Variants in CACNG3 observed in about 807,000 individuals in gnomAD.
CACNG3 encodes voltage-dependent calcium channel gamma-3 subunit.
A neutral mutation model predicts 28.5 loss-of-function variants in CACNG3; 3 were observed. The observed-to-expected ratio is 0.11, with a 90% CI of 0.05 to 0.27. CACNG3 has a LOEUF of 0.27. Ranked by LOEUF, CACNG3 falls within the 10% of genes least tolerant of loss-of-function variation. The pLI, the probability that CACNG3 is intolerant of heterozygous loss-of-function variation, is 1.00. For synonymous variants in CACNG3, 174 were observed against 162.2 expected, an observed-to-expected ratio of 1.07 and a Z score of -0.55; for missense variants, 236 against 414.4, an observed-to-expected ratio of 0.57 and a Z score of 3.74.
Position 24,346,716 on chromosome 16 carries a change from C to T in CACNG3, c.212-18C>T. The T allele has an allele frequency of 6.2e-7, 1 of 1,602,372 alleles. No individual in the cohort carries two copies. The highest frequency in any genetic ancestry group is 8.6e-7 in the Non-Finnish European group (1 of 1,169,274). On this transcript the variant is annotated intron_variant, in intron 1 of 3. Coordinates refer to ENST00000005284, the MANE Select transcript of CACNG3 (RefSeq NM_006539.4). ...CTGTCTCCTCCCCCAGGCTCAGAAC[C>T]CTTATCTGTTTCCACAGGGGCTTTC...
chr16:24,292,368 C>T (rs1362833056), intron 1 of CACNG3, among the ~76,000 whole-genome samples: 6 of 152,172 alleles, frequency 3.9e-5, no homozygotes, highest in East Asian at 3.8e-4. Flanking sequence ...ACCTTCCTTC[C>T]CTTTGTTAAG....
intron 1 of CACNG3, among the ~76,000 whole-genome samples, chr16:24,305,288 A>G (rs1008226112): frequency 2.5e-4 from 38 of 151,188 alleles, no homozygotes; most frequent in African/African-American, 8.5e-4. Flanking sequence ...ACTAAAAAGT[A>G]TATATATATA....
intron 1 of CACNG3, among the ~76,000 whole-genome samples, chr16:24,333,998 GT>G (rs1211871186): frequency 6.6e-6 from 1 of 152,170 alleles, no homozygotes; most frequent in Non-Finnish European, 1.5e-5. Context: ...GAGAATCACT[GT>G]TGTAAGGCAT....
chr16:24,305,320 A>ATG (rs57584370), intron 1 of CACNG3, among the ~76,000 whole-genome samples: 19,038 of 135,886 alleles, frequency 0.14, 1,811 homozygotes, highest in East Asian at 0.32. Context: ...ATACATAAAT[A>ATG]TGTGTGTGTG....
At chr16:24,327,422 A>ATG (rs376287990) in intron 1 of CACNG3, among the ~76,000 whole-genome samples, 12,829 of 101,576 alleles carry the variant, frequency 0.13, 930 homozygotes, top group Middle Eastern at 0.16. Flanking sequence ...GAATATATAT[A>ATG]TGTGTGTGTG....
intron 1 of CACNG3, among the ~76,000 whole-genome samples, chr16:24,294,097 C>T (rs1898999355): frequency 6.6e-6 from 1 of 152,172 alleles, no homozygotes; most frequent in Non-Finnish European, 1.5e-5. Flanking sequence ...GTATTCTTCC[C>T]ACAAACCTGG....
chr16:24,257,368 G>GGAGA lies in CACNG3; in HGVS notation c.211+460_211+463dup, dbSNP rs71154293. Among the ~76,000 whole-genome samples the GGAGA allele has an allele frequency of 5.0e-3, 264 of 52,848 alleles. 45 individuals are homozygous for GGAGA. The highest frequency in any genetic ancestry group is 0.01 in the Middle Eastern group (1 of 96). 34.7% of individuals were successfully genotyped at this position (52,848 alleles called of 152,430 possible). On this transcript the variant is annotated intron_variant, in intron 1 of 3. Coordinates refer to ENST00000005284, the MANE Select transcript of CACNG3 (RefSeq NM_006539.4). ...GGGACAAGAGGAAAGAAGTGAGGGG[G>GGAGA]GAGAGAGAGAGAGAGAGAGAGAGAG...
chr16:24,303,418 G>A lies in CACNG3; in HGVS notation c.212-43316G>A, dbSNP rs769139743. Among the ~76,000 whole-genome samples the A allele has an allele frequency of 5.3e-5, 8 of 151,780 alleles. No homozygotes were observed. In the East Asian group the frequency reaches 5.8e-4, roughly 11 times the overall value. On this transcript the variant is annotated intron_variant, in intron 1 of 3. Transcript: ENST00000005284. ...TTGCCTAGGCTGGTCTTGAACTCCCGGACTCACGTGATCCTCCTGCCTCAG... is the reference window on the plus strand; with the variant it reads ...TTGCCTAGGCTGGTCTTGAACTCCCAGACTCACGTGATCCTCCTGCCTCAG...
chr16:24,305,751 AT>A (rs1899177688), intron 1 of CACNG3, among the ~76,000 whole-genome samples: 3 of 152,196 alleles, frequency 2.0e-5, no homozygotes, highest in Admixed American at 2.0e-4. Flanking sequence ...ACCATGGCAC[AT>A]GTATACCTAT....
intron 2 of CACNG3, among the ~76,000 whole-genome samples, chr16:24,351,972 C>T (rs1035739647): frequency 2.0e-5 from 3 of 151,706 alleles, no homozygotes; most frequent in Non-Finnish European, 2.9e-5. Context: ...CCCACCACCA[C>T]GCCCGGCTAA....
At chr16:24,357,037 C>A (rs1473230057) in intron 3 of CACNG3, among the ~76,000 whole-genome samples, 4 of 152,044 alleles carry the variant, frequency 2.6e-5, no homozygotes, top group African/African-American at 9.7e-5. Flanking sequence ...GAGTTTGAGA[C>A]AATCCTGGCC....
At chr16:24,260,736 T>C (rs11860647) in intron 1 of CACNG3, among the ~76,000 whole-genome samples, 110,211 of 152,122 alleles carry the variant, frequency 0.72, 40,836 homozygotes, top group African/African-American at 0.9. Flanking sequence ...CACACAAACT[T>C]AGAGGCAGCA....
chr16:24,260,365 G>T (rs763179384), intron 1 of CACNG3, among the ~76,000 whole-genome samples: 17 of 152,152 alleles, frequency 1.1e-4, no homozygotes, highest in Non-Finnish European at 1.9e-4. Context: ...CTTACTATGT[G>T]CTCAGGCTGT....
rs148176818 is a variant in CACNG3 at position 24,361,210 on chromosome 16, C to T, written c.437-142C>T. On this transcript the variant is annotated intron_variant, in intron 3 of 3. Transcript: ENST00000005284. The surrounding 1 kb of genome is among the most constrained non-coding windows in gnomAD (Gnocchi z 6.8). ...TAAGTGACAGACCATGCAAGAAGAA[C>T]TAGGTGGTTGGATTTCCCAGCTATA... is the stretch of plus-strand genomic sequence containing the variant. 188 of 656,962 alleles carry T rather than the reference C, an allele frequency of 2.9e-4. No individual in the cohort carries two copies. Among genetic ancestry groups the T allele is most frequent in the African/African-American group, 1.7e-3 (96 of 55,194 alleles). 40.7% of individuals were successfully genotyped at this position (656,962 alleles called of 1,614,324 possible). A position where few individuals can be genotyped will look rare whatever the true frequency, so the allele number is the denominator to read the frequency against.
chr16:24,342,771 T>A (rs1899809036), intron 1 of CACNG3, among the ~76,000 whole-genome samples: 1 of 152,248 alleles, frequency 6.6e-6, no homozygotes, highest in Non-Finnish European at 1.5e-5. Flanking sequence ...ATTTCACATT[T>A]TTTTGCAGGT....
intron 1 of CACNG3, among the ~76,000 whole-genome samples, chr16:24,285,564 GCA>G (rs1898881715): frequency 6.6e-6 from 1 of 152,026 alleles, no homozygotes; most frequent in East Asian, 1.9e-4. Context: ...AGACACAATG[GCA>G]CACACCTCTA....
intron 1 of CACNG3, among the ~76,000 whole-genome samples, chr16:24,340,200 G>A (rs942630316): frequency 3.3e-5 from 5 of 152,018 alleles, no homozygotes; most frequent in Non-Finnish European, 7.4e-5. Context: ...GAACCCAGGA[G>A]TTCAAGATCG....
At chr16:24,332,478 A>AAG (rs1899644009) in intron 1 of CACNG3, among the ~76,000 whole-genome samples, 1 of 151,690 alleles carries the variant, frequency 6.6e-6, no homozygotes, top group South Asian at 2.1e-4. Context: ...AAAAAAAAAA[A>AAG]AGAATGAGAA....
chr16:24,314,325 G>C (rs565554095), intron 1 of CACNG3, among the ~76,000 whole-genome samples: 4 of 152,268 alleles, frequency 2.6e-5, no homozygotes, highest in Admixed American at 2.0e-4. Flanking sequence ...TCTCAGTGTG[G>C]GACCTCGCAT....
Sources: allele counts gnomAD v4.1 joint callset (sites outside exome capture counted in the v4.1 genomes callset), GRCh38; gene constraint gnomAD v4.1.1; non-coding constraint Gnocchi (gnomAD v3.1); transcripts MANE v1.5; gene names NCBI Gene and HGNC (gene_info 2026-07-23, HGNC 2026-07-21).